GPC6: variants seen among roughly 807,000 people sequenced by gnomAD.
GPC6 encodes glypican-6.
A neutral mutation model predicts 55.2 loss-of-function variants in GPC6; 14 were observed. The observed-to-expected ratio is 0.25, with a 90% CI of 0.17 to 0.40. GPC6 has a LOEUF of 0.40. Ranked by LOEUF, GPC6 falls within the 10% of genes least tolerant of loss-of-function variation. GPC6 has a pLI of 1.00. For missense variants in GPC6, 641 were observed against 708.5 expected, an observed-to-expected ratio of 0.90 and a Z score of 1.08; for synonymous variants, 278 against 259.6, an observed-to-expected ratio of 1.07 and a Z score of -0.68.
At chr13:94,109,194 C>A (rs751824674) in intron 4 of GPC6, among the ~76,000 whole-genome samples, 4 of 152,162 alleles carry the variant, frequency 2.6e-5, no homozygotes, top group East Asian at 1.9e-4. Flanking sequence ...AAGGGCCTAG[C>A]GTTATGACTG....
chr13:94,198,030 G>A (rs535888741), intron 4 of GPC6, among the ~76,000 whole-genome samples: 1 of 152,270 alleles, frequency 6.6e-6, no homozygotes, highest in South Asian at 2.1e-4. Flanking sequence ...ACTAACCATT[G>A]TTATATAGCA....
chr13:94,371,505 C>G (rs1203602663), intron 6 of GPC6, among the ~76,000 whole-genome samples: 1 of 152,096 alleles, frequency 6.6e-6, no homozygotes, highest in Non-Finnish European at 1.5e-5. Flanking sequence ...TTTCTAAGGC[C>G]TGTTTCCTTT....
chr13:93,270,720 C>CAA (rs35973627), intron 1 of GPC6, among the ~76,000 whole-genome samples: 1,339 of 127,958 alleles, frequency 0.01, 6 homozygotes, highest in Non-Finnish European at 0.016. Context: ...TTATTTTCCT[C>CAA]AAAAAAAAAA....
chr13:93,781,152 T>C (rs532505151), intron 2 of GPC6, among the ~76,000 whole-genome samples: 21 of 152,030 alleles, frequency 1.4e-4, no homozygotes, highest in African/African-American at 5.1e-4. Context: ...AGCAAGTGCC[T>C]GTAGTCCCAA....
At chr13:94,063,735 C>T (rs2138771895) in intron 4 of GPC6, among the ~76,000 whole-genome samples, 1 of 152,258 alleles carries the variant, frequency 6.6e-6, no homozygotes, top group South Asian at 2.1e-4. Context: ...GTACTACAAG[C>T]AAAGAGGGGT....
intron 2 of GPC6, among the ~76,000 whole-genome samples, chr13:93,580,350 G>C (rs147042349): frequency 1.8e-4 from 27 of 152,224 alleles, no homozygotes; most frequent in African/African-American, 5.8e-4. Flanking sequence ...TGAGTTATAG[G>C]GGGAAACAAA....
intron 1 of GPC6, among the ~76,000 whole-genome samples, chr13:93,505,743 A>C (rs1478986190): frequency 6.6e-6 from 1 of 152,184 alleles, no homozygotes; most frequent in East Asian, 1.9e-4. Context: ...AATTGAAACA[A>C]GGCAAAGCAT....
intron 2 of GPC6, among the ~76,000 whole-genome samples, chr13:93,596,610 A>ATAT (rs1566441951): frequency 3.3e-4 from 44 of 132,866 alleles, no homozygotes; most frequent in African/African-American, 1.3e-3. Context: ...TAAATAAATA[A>ATAT]ATATATATAT....
chr13:94,372,346 G>C (rs1352042601), intron 6 of GPC6, among the ~76,000 whole-genome samples: 1 of 152,196 alleles, frequency 6.6e-6, no homozygotes, highest in Non-Finnish European at 1.5e-5. Flanking sequence ...GCGCAGGTCA[G>C]TGGGTGCGCG....
intron 4 of GPC6, among the ~76,000 whole-genome samples, chr13:94,080,758 C>T (rs1029198162): frequency 6.6e-6 from 1 of 152,088 alleles, no homozygotes; most frequent in African/African-American, 2.4e-5. Flanking sequence ...CTTACAAAGC[C>T]ACTAATCCCA....
chr13:93,545,349 T>C lies in GPC6; in HGVS notation c.247T>C (p.Phe83Leu), dbSNP rs774088629. 6.2e-7 allele frequency: 1 copy of C among 1,613,864 alleles called. No individual in the cohort carries two copies. The highest frequency in any genetic ancestry group is 8.5e-7 in the Non-Finnish European group (1 of 1,179,750). ...DKLSQQSKLE[F>L]ENLVEETSHF... The stretch of plus-strand genomic sequence containing the variant: ...GTTAAGCCAACAAAGCAAACTCGAA[T>C]TTGAAAACCTTGTGGAAGAGACAAG... Residue 83 changes from phenylalanine (F) to leucine (L), a missense_variant, in exon 2 of 9, where the codon TTT (phenylalanine) becomes CTT (leucine). Phe to Leu is a conservative substitution (Grantham distance 22). Transcript: ENST00000377047.
chr13:93,964,097 T>C (rs1436325860), intron 3 of GPC6, among the ~76,000 whole-genome samples: 1 of 152,136 alleles, frequency 6.6e-6, no homozygotes, highest in Non-Finnish European at 1.5e-5. Flanking sequence ...AACTGATCTT[T>C]AGTTGTTTGG....
At chr13:94,339,870 T>G (rs949188043) in intron 6 of GPC6, among the ~76,000 whole-genome samples, 4 of 148,676 alleles carry the variant, frequency 2.7e-5, no homozygotes, top group African/African-American at 2.5e-5. Flanking sequence ...TTCAAGCAAT[T>G]CTCCTGCTTC....
intron 1 of GPC6, among the ~76,000 whole-genome samples, chr13:93,504,924 C>T (rs9301889): frequency 0.28 from 42,170 of 151,950 alleles, 6,059 homozygotes; most frequent in African/African-American, 0.32. Flanking sequence ...AAAGTTATGT[C>T]TAACCCTAGT....
intron 6 of GPC6, among the ~76,000 whole-genome samples, chr13:94,369,301 A>AAATGGC (rs1879423629): frequency 6.6e-6 from 1 of 152,182 alleles, no homozygotes; most frequent in South Asian, 2.1e-4. Context: ...GATTGAGGGA[A>AAATGGC]AATGGCAGGT....
chr13:94,197,001 T>C lies in GPC6; in HGVS notation c.878-89348T>C, dbSNP rs568336850. 2.6e-5 allele frequency among the ~76,000 whole-genome samples: 4 copies of C among 152,234 alleles called. No individual in the cohort carries two copies. The East Asian group carries it at 7.7e-4, about 29-fold the overall frequency. ...TGGAATAAATATATTTGTTGGCTTC[T>C]ACCATTCTATAACAAATGATGTCAA... On this transcript the variant is annotated intron_variant, in intron 4 of 8. Coordinates refer to ENST00000377047, the MANE Select transcript of GPC6 (RefSeq NM_005708.5).
At chr13:93,257,650 A>C (rs1364401630) in intron 1 of GPC6, among the ~76,000 whole-genome samples, 1 of 152,160 alleles carries the variant, frequency 6.6e-6, no homozygotes, top group African/African-American at 2.4e-5. Context: ...CATCATAGGC[A>C]TCATCACCAC....
intron 2 of GPC6, among the ~76,000 whole-genome samples, chr13:93,668,562 A>G (rs543221765): frequency 3.4e-4 from 52 of 152,292 alleles, no homozygotes; most frequent in African/African-American, 1.2e-3. Flanking sequence ...CCCAAATCCA[A>G]TGACAAGCAC....
chr13:94,385,501 C>A (rs1224397861), intron 7 of GPC6, among the ~76,000 whole-genome samples: 1 of 152,104 alleles, frequency 6.6e-6, no homozygotes, highest in Non-Finnish European at 1.5e-5. Flanking sequence ...TAGGAATAGT[C>A]CAGAATTTGG....
Sources: allele counts gnomAD v4.1 joint callset (sites outside exome capture counted in the v4.1 genomes callset), GRCh38; gene constraint gnomAD v4.1.1; transcripts MANE v1.5; gene names NCBI Gene and HGNC (gene_info 2026-07-23, HGNC 2026-07-21).